The following MDGA2 variants were observed in gnomAD, a reference collection of about 807,000 sequenced individuals.
MDGA2 encodes MAM domain-containing glycosylphosphatidylinositol anchor protein 2.
MDGA2 carries 40 observed loss-of-function variants against 117.8 expected under a neutral mutation model. The observed-to-expected ratio is 0.34, with a 90% confidence interval of 0.26 to 0.44. MDGA2 has a LOEUF of 0.44. MDGA2 is among the 20% of genes least tolerant of loss of function. The probability of loss-of-function intolerance (pLI) is 1.00; values close to 1 mark genes in which losing one functional copy is unlikely to be tolerated. For missense variants in MDGA2, 1,123 were observed against 1,250.6 expected, an observed-to-expected ratio of 0.90 and a Z score of 1.54; for synonymous variants, 452 against 439.0, an observed-to-expected ratio of 1.03 and a Z score of -0.37.
At chr14:47,630,829 T>C (rs1024501373) in intron 1 of MDGA2, among the ~76,000 whole-genome samples, 1 of 152,212 alleles carries the variant, frequency 6.6e-6, no homozygotes, top group Non-Finnish European at 1.5e-5. Context: ...TCTATCTGGA[T>C]ACAAAAAACA....
At chr14:46,914,601 A>G (rs1273612662) in intron 10 of MDGA2, among the ~76,000 whole-genome samples, 1 of 152,114 alleles carries the variant, frequency 6.6e-6, no homozygotes, top group East Asian at 1.9e-4. Flanking sequence ...TACATCTATG[A>G]GTTTAATAAC....
chr14:47,668,128 CTCAAT>C (rs962826296), intron 1 of MDGA2, among the ~76,000 whole-genome samples: 1 of 152,114 alleles, frequency 6.6e-6, no homozygotes, highest in African/African-American at 2.4e-5. Flanking sequence ...ACAGATCTTA[CTCAAT>C]TCAATCAATG....
At chr14:47,286,809 A>ATATATATATATATACATATATATATG (rs1888692342) in intron 2 of MDGA2, among the ~76,000 whole-genome samples, 2 of 114,454 alleles carry the variant, frequency 1.7e-5, no homozygotes, top group Non-Finnish European at 3.9e-5. Flanking sequence ...ATCATTATAT[A>ATATATATATATATACATATATATATG]TATATATATA....
intron 7 of MDGA2, among the ~76,000 whole-genome samples, chr14:47,060,937 AAT>A (rs1177435018): frequency 1.3e-5 from 2 of 151,956 alleles, no homozygotes; most frequent in African/African-American, 2.4e-5. Flanking sequence ...TAATTTTATT[AAT>A]ATAATTTTAG....
At chr14:47,575,081 G>A (rs1896091935) in intron 1 of MDGA2, among the ~76,000 whole-genome samples, 1 of 152,136 alleles carries the variant, frequency 6.6e-6, no homozygotes, top group Non-Finnish European at 1.5e-5. Context: ...TAGTATGAGT[G>A]ACTTCTGAGT....
intron 5 of MDGA2, among the ~76,000 whole-genome samples, chr14:47,104,443 A>AC (rs372001524): frequency 1.7e-5 from 2 of 120,300 alleles, no homozygotes; most frequent in Non-Finnish European, 1.7e-5. Context: ...GCACCTTGTG[A>AC]CCCCCCACTC....
At chr14:47,368,543 A>T (rs1891278943) in intron 1 of MDGA2, among the ~76,000 whole-genome samples, 1 of 152,148 alleles carries the variant, frequency 6.6e-6, no homozygotes, top group Non-Finnish European at 1.5e-5. Flanking sequence ...TTGCAAGGTT[A>T]TGCTTTGCGG....
At chr14:46,915,840 C>A (rs2933190) in intron 10 of MDGA2, among the ~76,000 whole-genome samples, 107,002 of 151,952 alleles carry the variant, frequency 0.7, 38,477 homozygotes, top group East Asian at 0.99. Flanking sequence ...TTACTTGGGA[C>A]ACTTGCTATA....
chr14:47,544,599 T>G (rs138115347), intron 1 of MDGA2, among the ~76,000 whole-genome samples: 2 of 152,296 alleles, frequency 1.3e-5, no homozygotes, highest in African/African-American at 4.8e-5. Flanking sequence ...GTTGGTTTAT[T>G]TTTTGTACAG....
At chr14:47,465,235 G>T (rs1040252718) in intron 1 of MDGA2, among the ~76,000 whole-genome samples, 2 of 152,122 alleles carry the variant, frequency 1.3e-5, no homozygotes, top group African/African-American at 4.8e-5. Context: ...AACCCTGGCA[G>T]ATAACCTAGG....
intron 5 of MDGA2, among the ~76,000 whole-genome samples, chr14:47,113,688 C>A (rs1881168683): frequency 6.6e-6 from 1 of 152,070 alleles, no homozygotes. Flanking sequence ...CCAAAAAGGC[C>A]TTTGATAAAA....
chr14:47,367,197 G>A (rs1197269660), intron 1 of MDGA2, among the ~76,000 whole-genome samples: 1 of 152,182 alleles, frequency 6.6e-6, no homozygotes, highest in African/African-American at 2.4e-5. Context: ...TAACTCTTAT[G>A]AGTAATTTCA....
chr14:47,037,910 T>C (rs1028280985), intron 7 of MDGA2, among the ~76,000 whole-genome samples: 19 of 152,112 alleles, frequency 1.2e-4, no homozygotes, highest in African/African-American at 4.6e-4. Context: ...CAAAACACCG[T>C]CTGTATTAAT....
intron 14 of MDGA2, among the ~76,000 whole-genome samples, chr14:46,856,792 TA>T (rs1046549991): frequency 6.6e-6 from 1 of 152,042 alleles, no homozygotes; most frequent in African/African-American, 2.4e-5. Context: ...TCAGGATTTA[TA>T]AAAAAATAAA....
At chr14:46,944,066 C>A (rs1465358500) in intron 9 of MDGA2, among the ~76,000 whole-genome samples, 3 of 151,900 alleles carry the variant, frequency 2.0e-5, no homozygotes, top group African/African-American at 4.8e-5. Context: ...TATACCTAAT[C>A]CTCTTCATTT....
At chr14:47,604,584 C>T (rs914052674) in intron 1 of MDGA2, among the ~76,000 whole-genome samples, 7 of 149,344 alleles carry the variant, frequency 4.7e-5, no homozygotes, top group Non-Finnish European at 8.9e-5. Context: ...CTAGTCTCAG[C>T]CTCCCAAAAG....
chr14:47,394,319 C>A (rs1891960184), intron 1 of MDGA2, among the ~76,000 whole-genome samples: 1 of 152,006 alleles, frequency 6.6e-6, no homozygotes, highest in Non-Finnish European at 1.5e-5. Flanking sequence ...TAAGCCTGGA[C>A]CAGAAACAAA....
At chr14:46,962,742 A>G (rs1287868966) in intron 8 of MDGA2, among the ~76,000 whole-genome samples, 4 of 152,232 alleles carry the variant, frequency 2.6e-5, no homozygotes, top group Admixed American at 6.5e-5. Context: ...TAAACTCAGA[A>G]GAAAGGGCTG....
In MDGA2 at chr14:47,086,580, G is replaced by T. The variant is rs561845553; in HGVS notation, c.1195+10274C>A. On this transcript the variant is annotated intron_variant, in intron 6 of 16. Coordinates refer to ENST00000399232, the MANE Select transcript of MDGA2 (RefSeq NM_001113498.3). ...TACCCATTACTTATTTTTTGAAAAGGTTCTATTATTAAAGATAGAAGTTAA... is the reference window on the plus strand; with the variant it reads ...TACCCATTACTTATTTTTTGAAAAGTTTCTATTATTAAAGATAGAAGTTAA... Among the ~76,000 whole-genome samples the T allele has an allele frequency of 9.3e-5, 14 of 150,152 alleles. No individual in the cohort carries two copies. In the South Asian group the frequency reaches 1.9e-3, roughly 20 times the overall value.
Sources: allele counts gnomAD v4.1 joint callset (sites outside exome capture counted in the v4.1 genomes callset), GRCh38; gene constraint gnomAD v4.1.1; transcripts MANE v1.5; gene names NCBI Gene and HGNC (gene_info 2026-07-23, HGNC 2026-07-21).